Variants in GPR141 observed in about 807,000 individuals in gnomAD.
GPR141 encodes probable G protein-coupled receptor 141.
In GPR141, 6 loss-of-function variants were observed where a neutral mutation model predicts 6.8. The ratio of observed to expected loss-of-function variants is 0.88; its 90% CI spans 0.48 to 1.74. The LOEUF is 1.74. Among genes scored for constraint, GPR141 ranks in the 40% most tolerant of loss-of-function variants. The pLI, the probability that GPR141 is intolerant of heterozygous loss-of-function variation, is 0.01. For missense variants in GPR141, 372 were observed against 372.9 expected, an observed-to-expected ratio of 1.00 and a Z score of 0.02; for synonymous variants, 140 against 142.3, an observed-to-expected ratio of 0.98 and a Z score of 0.11.
At chr7:37,699,344 G>A (rs147130915) in intron 2 of GPR141, among the ~76,000 whole-genome samples, 8,585 of 152,178 alleles carry the variant, frequency 0.056, 575 homozygotes, top group African/African-American at 0.14. Context: ...GGTGGATCAC[G>A]AGGTCAGGAG....
At chr7:37,720,767 G>C (rs11525783) in intron 2 of GPR141, among the ~76,000 whole-genome samples, 8,400 of 149,898 alleles carry the variant, frequency 0.056, 296 homozygotes, top group East Asian at 0.12. Context: ...GAGAAATTAA[G>C]AAAAGGGTTC....
rs73691196 is a variant in GPR141 at position 37,740,489 on chromosome 7, G to T, written c.96G>T (p.Leu32=). The part of the protein sequence containing the change: ...SLYFIVLIGG[L]VGVISILFLL... Reference sequence around the variant, plus strand: ...ACTTCATAGTGCTTATTGGCGGGCTGGTGGGTGTCATTTCCATTCTTTTCC... The same window carrying T: ...ACTTCATAGTGCTTATTGGCGGGCTTGTGGGTGTCATTTCCATTCTTTTCC... Residue 32 remains leucine (L), a synonymous_variant, in exon 3 of 3, where the codon CTG becomes CTT. Coordinates refer to ENST00000334425, the MANE Select transcript of GPR141 (RefSeq NM_001381946.1). 2.6e-3 allele frequency: 4,214 copies of T among 1,613,904 alleles called. 89 individuals carry two copies. In the African/African-American group the frequency reaches 0.046, roughly 17 times the overall value.
chr7:37,723,328 CT>C (rs549450958), intron 2 of GPR141, among the ~76,000 whole-genome samples: 42 of 151,694 alleles, frequency 2.8e-4, no homozygotes, highest in African/African-American at 9.7e-4. Flanking sequence ...TCTTTAGTGC[CT>C]TTTAGTTGCC....
intron 2 of GPR141, among the ~76,000 whole-genome samples, chr7:37,735,078 G>A (rs1364676302): frequency 1.3e-5 from 2 of 152,102 alleles, no homozygotes; most frequent in African/African-American, 2.4e-5. Flanking sequence ...ATTAAAAATT[G>A]CGTTAGCTTC....
At position 37,726,549 on chromosome 7, in the gene GPR141, A is replaced by G. The variant is rs1405789148; in HGVS notation, c.-14-13831A>G. On this transcript the variant is annotated intron_variant, in intron 2 of 2. Transcript: ENST00000334425. ...ATTTACAATGTTAGAAGAATGATAAAGAGCTCCAATATAACCTTCACCCAG... is the reference window on the plus strand; with the variant it reads ...ATTTACAATGTTAGAAGAATGATAAGGAGCTCCAATATAACCTTCACCCAG... 2.0e-5 allele frequency among the ~76,000 whole-genome samples: 3 copies of G among 152,216 alleles called. 1 individual carries two copies. The highest frequency in any genetic ancestry group is 4.8e-5 in the African/African-American group (2 of 41,462).
intron 2 of GPR141, among the ~76,000 whole-genome samples, chr7:37,728,330 A>C (rs1042025281): frequency 6.7e-6 from 1 of 149,100 alleles, no homozygotes; most frequent in African/African-American, 2.4e-5. Context: ...CCTACTGTAC[A>C]GTAGACAGTT....
At chr7:37,685,063 G>A (rs1809435310) in intron 1 of GPR141, 1 of 152,132 alleles carries the variant, frequency 6.6e-6, no homozygotes, top group Admixed American at 6.6e-5. Context: ...CTAATATATT[G>A]GTACTTACAT....
At chr7:37,732,919 A>G (rs1429976538) in intron 2 of GPR141, among the ~76,000 whole-genome samples, 2 of 152,182 alleles carry the variant, frequency 1.3e-5, no homozygotes, top group South Asian at 2.1e-4. Flanking sequence ...GCAAGAATAT[A>G]TGGGGGAGCT....
intron 2 of GPR141, among the ~76,000 whole-genome samples, chr7:37,689,974 C>T (rs1329050521): frequency 1.3e-5 from 2 of 151,428 alleles, no homozygotes; most frequent in African/African-American, 4.9e-5. Flanking sequence ...TTTCTAGTCC[C>T]TAGAGATACA....
intron 2 of GPR141, among the ~76,000 whole-genome samples, chr7:37,710,328 A>C (rs1468466629): frequency 6.6e-6 from 1 of 152,154 alleles, no homozygotes; most frequent in Non-Finnish European, 1.5e-5. Context: ...AGCTACATGC[A>C]ACTACATAGA....
chr7:37,725,766 A>G (rs1457975931), intron 2 of GPR141, among the ~76,000 whole-genome samples: 2 of 152,080 alleles, frequency 1.3e-5, no homozygotes, highest in East Asian at 3.9e-4. Context: ...AACAAATTAT[A>G]AATTGTGTGA....
intron 2 of GPR141, among the ~76,000 whole-genome samples, chr7:37,726,783 T>C (rs2090700089): frequency 6.6e-6 from 1 of 152,196 alleles, no homozygotes; most frequent in Admixed American, 6.5e-5. Flanking sequence ...AATTCTATTA[T>C]TTAATCTGCA....
intron 2 of GPR141, among the ~76,000 whole-genome samples, chr7:37,693,325 T>C (rs1809869224): frequency 6.6e-6 from 1 of 152,206 alleles, no homozygotes. Context: ...ATATGCGGCA[T>C]TATTTCTGAG....
At chr7:37,728,116 A>T (rs1811723766) in intron 2 of GPR141, among the ~76,000 whole-genome samples, 1 of 152,212 alleles carries the variant, frequency 6.6e-6, no homozygotes, top group Non-Finnish European at 1.5e-5. Context: ...ACTGCTACAT[A>T]TCTGTACCCA....
chr7:37,720,692 GATTGCGCC>G (rs1201107848), intron 2 of GPR141, among the ~76,000 whole-genome samples: 2 of 145,834 alleles, frequency 1.4e-5, no homozygotes, highest in Non-Finnish European at 3.0e-5. Context: ...AGTGAGCTGA[GATTGCGCC>G]ACTGCACTCC....
intron 2 of GPR141, among the ~76,000 whole-genome samples, chr7:37,694,495 C>T (rs1233885312): frequency 1.3e-5 from 2 of 152,132 alleles, no homozygotes. Flanking sequence ...TGCTGAAGAA[C>T]TGTTTTCCTA....
At chr7:37,702,430 GT>G (rs1263552026) in intron 2 of GPR141, among the ~76,000 whole-genome samples, 1 of 135,022 alleles carries the variant, frequency 7.4e-6, no homozygotes, top group African/African-American at 2.8e-5. Context: ...TCTTCACTTC[GT>G]TTTTTTACCT....
intron 2 of GPR141, among the ~76,000 whole-genome samples, chr7:37,708,795 G>T (rs549280546): frequency 1.3e-5 from 2 of 152,222 alleles, no homozygotes; most frequent in African/African-American, 4.8e-5. Flanking sequence ...AGTCATAGGG[G>T]CTACCATTTT....
intron 2 of GPR141, among the ~76,000 whole-genome samples, chr7:37,715,547 TTTAC>T (rs1342781257): frequency 6.6e-6 from 1 of 152,212 alleles, no homozygotes; most frequent in African/African-American, 2.4e-5. Flanking sequence ...CGCTGGGTGC[TTTAC>T]TTAGTTTATC....
Sources: gnomAD v4.1 joint callset for allele counts (sites outside exome capture counted in the v4.1 genomes callset) on GRCh38, gnomAD v4.1.1 for gene constraint, MANE v1.5 for transcripts, NCBI Gene and HGNC (gene_info 2026-07-23, HGNC 2026-07-21) for gene names.